The following TCF20 variants were observed in gnomAD, a reference collection of about 807,000 sequenced individuals.
TCF20 encodes SPRE-binding protein.
Under a neutral mutation model 148.6 loss-of-function variants are expected in TCF20, and 3 were observed. The ratio of observed to expected loss-of-function variants is 0.02; its 90% CI spans 0.01 to 0.05. The LOEUF (loss-of-function observed/expected upper bound fraction) is 0.05, where lower values mean the gene tolerates loss of function less well. TCF20 is among the 10% of genes least tolerant of loss of function. TCF20 has a pLI of 1.00. For synonymous variants in TCF20, 1,049 were observed against 909.5 expected, an observed-to-expected ratio of 1.15 and a Z score of -2.76; for missense variants, 2,350 against 2,429.3, an observed-to-expected ratio of 0.97 and a Z score of 0.69.
At chr22:42,203,959 G>C (rs1938214819) in intron 2 of TCF20, among the ~76,000 whole-genome samples, 2 of 152,196 alleles carry the variant, frequency 1.3e-5, no homozygotes, top group Admixed American at 1.3e-4. Flanking sequence ...ACATATAGTT[G>C]AGAATTTAGA....
intron 1 of TCF20, among the ~76,000 whole-genome samples, chr22:42,319,849 G>A (rs750067145): frequency 1.3e-5 from 2 of 152,162 alleles, no homozygotes; most frequent in African/African-American, 4.8e-5. Flanking sequence ...GCAGGGCTGT[G>A]CCGCAGCTGT....
chr22:42,200,847 G>A (rs1937960953), intron 2 of TCF20, among the ~76,000 whole-genome samples: 1 of 152,184 alleles, frequency 6.6e-6, no homozygotes, highest in South Asian at 2.1e-4. Context: ...ACACAAACCT[G>A]TACATGTGAC....
chr22:42,266,981 T>C (rs1184048214), intron 1 of TCF20, among the ~76,000 whole-genome samples: 1 of 140,730 alleles, frequency 7.1e-6, no homozygotes, highest in East Asian at 2.0e-4. Context: ...CTGCTTACAA[T>C]TTAATAGGCC....
Position 42,213,478 on chromosome 22 carries a change from G to A in TCF20, c.1828C>T (p.Arg610Trp), listed in dbSNP as rs534085128. The A allele has an allele frequency of 1.2e-5, 20 of 1,614,144 alleles. No individual in the cohort carries two copies. The highest frequency in any genetic ancestry group is 1.2e-4 in the Admixed American group (7 of 60,028). ...NEKTVGVIVS[R>W]EAMTGRVEKP... Reference sequence around the variant, plus strand: ...TCTACCCGACCTGTCATGGCTTCCCGGGAGACAATCACCCCAACAGTCTTC... The same window carrying A: ...TCTACCCGACCTGTCATGGCTTCCCAGGAGACAATCACCCCAACAGTCTTC... Residue 610 changes from arginine (R) to tryptophan (W), a missense_variant, in exon 2 of 6, where the codon CGG (arginine) becomes TGG (tryptophan). Physicochemically the swap from Arg to Trp is moderately radical, Grantham distance 101. Transcript: ENST00000677622.
At chr22:42,244,916 C>CAA (rs34776152) in intron 1 of TCF20, among the ~76,000 whole-genome samples, 2 of 150,420 alleles carry the variant, frequency 1.3e-5, no homozygotes, top group Admixed American at 6.6e-5. Context: ...CCCATCTCTA[C>CAA]AAAAAAAAAT....
intron 1 of TCF20, among the ~76,000 whole-genome samples, chr22:42,237,276 G>A (rs1465229656): frequency 6.6e-6 from 1 of 152,172 alleles, no homozygotes; most frequent in Admixed American, 6.6e-5. Context: ...TTCATCAGGA[G>A]TAGATTCCAT....
intron 3 of TCF20, among the ~76,000 whole-genome samples, chr22:42,174,839 T>G (rs750855734): frequency 9.9e-5 from 15 of 151,816 alleles, no homozygotes; most frequent in Non-Finnish European, 2.1e-4. Context: ...ATCGAGACCA[T>G]CCCGGCTAAC....
chr22:42,321,958 A>G (rs935566390), intron 1 of TCF20, among the ~76,000 whole-genome samples: 6 of 151,508 alleles, frequency 4.0e-5, no homozygotes, highest in African/African-American at 1.5e-4. Context: ...AAAAAAAAAA[A>G]AGATAATAAA....
Position 42,213,657 on chromosome 22 carries a change from C to T in TCF20, c.1649G>A (p.Gly550Asp), listed in dbSNP as rs752235293. Residue 550 changes from glycine (G) to aspartate (D), a missense_variant, in exon 2 of 6, where the codon GGT (glycine) becomes GAT (aspartate). By Grantham distance (94) the Gly-to-Asp change is moderately conservative. Coordinates refer to ENST00000677622, the MANE Select transcript of TCF20 (RefSeq NM_001378418.1). ...GGAGCCAGCTTTCTCAGAGGCTCCA[C>T]CCTTGTAGGTGGTGTCAGAGCTGGT... ...QSTSSDTTYK[G>D]GASEKAGSSP... 4 of 1,614,128 alleles carry T rather than the reference C, an allele frequency of 2.5e-6. No homozygotes were observed. In the South Asian group the frequency reaches 4.4e-5, roughly 18 times the overall value.
At chr22:42,184,747 C>A (rs1413813535) in intron 2 of TCF20, among the ~76,000 whole-genome samples, 2 of 152,110 alleles carry the variant, frequency 1.3e-5, no homozygotes. Context: ...ACTTCAAAAT[C>A]TTTTAATAGT....
At chr22:42,316,540 C>T (rs1927635156) in intron 1 of TCF20, among the ~76,000 whole-genome samples, 2 of 152,176 alleles carry the variant, frequency 1.3e-5, no homozygotes, top group South Asian at 4.1e-4. Flanking sequence ...CAGGTTCAAG[C>T]GATTCGCCTG....
chr22:42,239,369 G>A (rs896119598), intron 1 of TCF20, among the ~76,000 whole-genome samples: 1 of 151,720 alleles, frequency 6.6e-6, no homozygotes, highest in Non-Finnish European at 1.5e-5. Flanking sequence ...CCAGCTACTC[G>A]GGAGGCTAAG....
intron 1 of TCF20, among the ~76,000 whole-genome samples, chr22:42,227,704 C>A (rs1032620146): frequency 1.3e-5 from 2 of 152,198 alleles, no homozygotes; most frequent in African/African-American, 4.8e-5. Flanking sequence ...CATGTCCCTG[C>A]CAGAGTACAG....
At chr22:42,318,278 C>A (rs890030010) in intron 1 of TCF20, among the ~76,000 whole-genome samples, 2 of 152,226 alleles carry the variant, frequency 1.3e-5, no homozygotes, top group Non-Finnish European at 2.9e-5. Flanking sequence ...AACCACAAGG[C>A]CTCAGCTCCA....
At chr22:42,273,675 G>C (rs909861520), upstream of TCF20, among the ~76,000 whole-genome samples, 3 of 151,740 alleles carry the variant, frequency 2.0e-5, no homozygotes, top group Non-Finnish European at 4.4e-5. Flanking sequence ...CAGTAGACTA[G>C]TTTTTTTCCC....
At position 42,213,967 on chromosome 22, in the gene TCF20, G is replaced by A. The variant is rs550035576; in HGVS notation, c.1339C>T (p.Arg447Ter). Reference sequence around the variant, plus strand: ...CTACTCAACCCAGGATCTGTCAGTCGCTTTTCTGGTACCCCTTCTAGTCCA... The same window carrying A: ...CTACTCAACCCAGGATCTGTCAGTCACTTTTCTGGTACCCCTTCTAGTCCA... ...GFGLEGVPEKRLTDPGLSSLS... is the reference protein window; with the variant it reads ...GFGLEGVPEK The change falls in exon 2 of 6, where the codon CGA becomes TGA. Residue 447 changes from arginine to a stop codon, truncating the protein, a stop_gained. Coordinates refer to ENST00000677622, the MANE Select transcript of TCF20 (RefSeq NM_001378418.1). LOFTEE classifies it high-confidence loss of function. 1 of 1,614,174 alleles carries A rather than the reference G, an allele frequency of 6.2e-7. No individual in the cohort carries two copies. The highest frequency in any genetic ancestry group is 1.1e-5 in the South Asian group (1 of 91,084).
At chr22:42,208,851 TC>T (rs140409702) in intron 2 of TCF20, among the ~76,000 whole-genome samples, 418 of 152,266 alleles carry the variant, frequency 2.7e-3, no homozygotes, top group African/African-American at 9.5e-3. Flanking sequence ...CTGAAAGACA[TC>T]AGCGTACATA....
intron 3 of TCF20, among the ~76,000 whole-genome samples, chr22:42,176,583 G>C (rs1369687458): frequency 1.3e-5 from 2 of 152,136 alleles, no homozygotes; most frequent in Non-Finnish European, 2.9e-5. Flanking sequence ...CACAGAGAGG[G>C]GGCATGCACA....
At position 42,214,411 on chromosome 22, in the gene TCF20, T is replaced by C. The variant is rs1921450769; in HGVS notation, c.895A>G (p.Asn299Asp). ...TGTGGAATCTTTGCCTGTTCAAAAT[T>C]CTTCATAGATTGAGGCTGATAGCTG... is the stretch of plus-strand genomic sequence containing the variant. Reference protein sequence around the residue: ...NYSYQPQSMKNFEQAKIPQGT... With the variant: ...NYSYQPQSMKDFEQAKIPQGT... Residue 299 changes from asparagine to aspartate, a missense_variant, in exon 2 of 6, where the codon AAT becomes GAT. Asn to Asp is a conservative substitution (Grantham distance 23). Around this residue, in one of 7 missense-constraint regions of TCF20, gnomAD observed 1,641 missense variants for 1,662.6 expected, o/e 0.99. Coordinates refer to ENST00000677622, the MANE Select transcript of TCF20 (RefSeq NM_001378418.1). 2 of 1,614,048 alleles carry C rather than the reference T, an allele frequency of 1.2e-6. No individual in the cohort carries two copies. Among genetic ancestry groups the C allele is most frequent in the Non-Finnish European group, 1.7e-6 (2 of 1,180,006 alleles).
Sources: allele counts gnomAD v4.1 joint callset (sites outside exome capture counted in the v4.1 genomes callset), GRCh38; gene constraint gnomAD v4.1.1; regional missense constraint gnomAD v4.1.1; transcripts MANE v1.5; gene names NCBI Gene and HGNC (gene_info 2026-07-23, HGNC 2026-07-21).